The following APBA2 variants were observed in gnomAD, a reference collection of about 807,000 sequenced individuals.
The protein encoded by APBA2 is amyloid-beta A4 precursor protein-binding family A member 2.
APBA2 carries 30 observed loss-of-function variants against 75.0 expected under a neutral mutation model. The ratio of observed to expected loss-of-function variants is 0.40; its 90% CI spans 0.30 to 0.54. The LOEUF is 0.54. Among genes scored for constraint, APBA2 ranks in the 20% least tolerant of loss-of-function variants. The pLI is 0.49. For missense variants in APBA2, 801 were observed against 1,016.1 expected (o/e 0.79, Z 2.88); for synonymous variants, 444 against 409.6 (o/e 1.08, Z -1.01).
rs553752797 is a variant in APBA2 at position 28,956,951 on chromosome 15, C to T, written c.-95+35202C>T. ...AATACTTCCTTGTATGAATAGACCA[C>T]ATTTTGTTGATCGTTCATCTGGTGA... On this transcript the variant is annotated intron_variant, in intron 2 of 14. Coordinates refer to ENST00000683413, the MANE Select transcript of APBA2 (RefSeq NM_001353788.2). Among the ~76,000 whole-genome samples, 7 of 152,348 alleles carry T rather than the reference C, an allele frequency of 4.6e-5. 1 individual carries two copies. In the South Asian group the frequency reaches 1.4e-3, roughly 32 times the overall value.
chr15:29,054,748 C>G lies in APBA2; in HGVS notation c.864C>G (p.Pro288=). ...GGCCCAAGTCGCTGAACCTCCTTCC[C>G]GAGGCCAAGCACCCCGGAGACCCCC... ...EARPKSLNLL[P]EAKHPGDPQR... Residue 288 remains proline (P), a synonymous_variant, in exon 4 of 15, where the codon CCC becomes CCG. Coordinates refer to ENST00000683413, the MANE Select transcript of APBA2 (RefSeq NM_001353788.2). This position sits in a 1 kb window ranked among gnomAD's most constrained non-coding sequence, Gnocchi z 6.1. 1.9e-6 allele frequency: 3 copies of G among 1,610,184 alleles called. No homozygotes were observed. The highest frequency in any genetic ancestry group is 2.5e-6 in the Non-Finnish European group (3 of 1,179,974).
rs1424329556 is a variant in APBA2 at position 28,991,535 on chromosome 15, C to T, written c.-94-4218C>T. Among the ~76,000 whole-genome samples the T allele has an allele frequency of 6.6e-6, 1 of 152,212 alleles. No homozygotes were observed. Among genetic ancestry groups the T allele is most frequent in the Non-Finnish European group, 1.5e-5 (1 of 68,028 alleles). On this transcript the variant is annotated intron_variant, in intron 2 of 14. Coordinates refer to ENST00000683413, the MANE Select transcript of APBA2 (RefSeq NM_001353788.2). The surrounding 1 kb of genome is among the most constrained non-coding windows in gnomAD (Gnocchi z 4.7). ...TGAGTTCACTGGCAGCCCAGCCAGC[C>T]CACGAAGGCCATGTGAGTGTGAACC...
rs539565459 is a variant in APBA2 at position 28,928,092 on chromosome 15, C to A, written c.-95+6343C>A. ...CTGGGAGGCGGAACTTGCAGTGAGC[C>A]GAGATCACTCCACTGTACTCCAGCC... On this transcript the variant is annotated intron_variant, in intron 2 of 14. Transcript: ENST00000683413. Among the ~76,000 whole-genome samples, 3 of 146,948 alleles carry A rather than the reference C, an allele frequency of 2.0e-5. No homozygotes were observed. In the South Asian group the frequency reaches 6.5e-4, roughly 32 times the overall value.
intron 1 of APBA2, among the ~76,000 whole-genome samples, chr15:28,891,883 T>A (rs994710443): frequency 2.0e-5 from 3 of 152,224 alleles, no homozygotes; most frequent in Non-Finnish European, 2.9e-5. Flanking sequence ...GAAAAATTCC[T>A]ATTGCTTAGT....
chr15:29,011,382 C>T (rs73370677), intron 3 of APBA2, among the ~76,000 whole-genome samples: 11,815 of 152,110 alleles, frequency 0.078, 642 homozygotes, highest in East Asian at 0.28. Context: ...AAAATTTCTC[C>T]TTTGAAATGT....
At chr15:29,019,812 G>A (rs1220199108) in intron 3 of APBA2, among the ~76,000 whole-genome samples, 1 of 152,228 alleles carries the variant, frequency 6.6e-6, no homozygotes, top group African/African-American at 2.4e-5. Context: ...AGTGATGCTG[G>A]TGGGTTAATG....
intron 2 of APBA2, among the ~76,000 whole-genome samples, chr15:28,929,433 A>G (rs2034446952): frequency 6.6e-6 from 1 of 152,196 alleles, no homozygotes; most frequent in Non-Finnish European, 1.5e-5. Flanking sequence ...AGGCTCCCAG[A>G]TGTCCTCAAC....
chr15:28,924,871 C>G (rs974456696), intron 2 of APBA2, among the ~76,000 whole-genome samples: 3 of 152,128 alleles, frequency 2.0e-5, no homozygotes, highest in Non-Finnish European at 4.4e-5. Flanking sequence ...TTTACATTCC[C>G]GCCAGCACTG....
intron 2 of APBA2, among the ~76,000 whole-genome samples, chr15:28,942,940 G>A (rs77842683): frequency 1.3e-5 from 2 of 152,128 alleles, no homozygotes; most frequent in Non-Finnish European, 2.9e-5. Flanking sequence ...CGGTTTCCTC[G>A]TTCTCAGGGG....
chr15:29,017,145 T>G (rs911110136), intron 3 of APBA2, among the ~76,000 whole-genome samples: 3 of 151,998 alleles, frequency 2.0e-5, no homozygotes, highest in African/African-American at 7.2e-5. Context: ...CTTGAGGTCC[T>G]TGCTCCCTGG....
intron 3 of APBA2, among the ~76,000 whole-genome samples, chr15:29,018,283 T>C (rs1302048337): frequency 2.0e-5 from 3 of 152,218 alleles, no homozygotes; most frequent in Non-Finnish European, 2.9e-5. Flanking sequence ...GTGCCGGGCC[T>C]CTGGAGAGTT....
intron 3 of APBA2, among the ~76,000 whole-genome samples, chr15:29,016,074 T>C (rs577087470): frequency 6.6e-6 from 1 of 152,160 alleles, no homozygotes; most frequent in Non-Finnish European, 1.5e-5. Flanking sequence ...CTGGCCAACA[T>C]GGTGAAACCC....
At chr15:29,020,642 C>A (rs2039906066) in intron 3 of APBA2, among the ~76,000 whole-genome samples, 1 of 122,336 alleles carries the variant, frequency 8.2e-6, no homozygotes, top group Non-Finnish European at 1.5e-5. Context: ...CCGGTCTCTA[C>A]TAAAAATACA....
At chr15:29,026,846 A>C (rs1264827135) in intron 3 of APBA2, among the ~76,000 whole-genome samples, 1 of 152,162 alleles carries the variant, frequency 6.6e-6, no homozygotes, top group Non-Finnish European at 1.5e-5. Context: ...GTGTGAAGCC[A>C]GGAGGCGGAG....
intron 2 of APBA2, among the ~76,000 whole-genome samples, chr15:28,941,306 G>T (rs1366203900): frequency 6.6e-6 from 1 of 152,102 alleles, no homozygotes; most frequent in Non-Finnish European, 1.5e-5. Flanking sequence ...AAGGGAGGAA[G>T]AGCCACACTG....
At position 29,104,334 on chromosome 15, in the gene APBA2, G is replaced by T. The variant is rs563179127; in HGVS notation, c.1525-1045G>T. Among the ~76,000 whole-genome samples, 34 of 152,336 alleles carry T rather than the reference G, an allele frequency of 2.2e-4. 2 individuals carry two copies. The South Asian group carries it at 7.0e-3, about 32-fold the overall frequency. On this transcript the variant is annotated intron_variant, in intron 10 of 14. Transcript: ENST00000683413. ...AGCCTGGCGGGAGGCCCCGCTGTGG[G>T]CTGAGGCGTCACCAAGGCCGCCAAG...
At chr15:28,909,483 T>C (rs901420082) in intron 1 of APBA2, among the ~76,000 whole-genome samples, 11 of 152,244 alleles carry the variant, frequency 7.2e-5, no homozygotes, top group African/African-American at 2.7e-4. Context: ...ATTGTATGGA[T>C]AGACCATGTT....
intron 1 of APBA2, among the ~76,000 whole-genome samples, chr15:28,909,318 A>G (rs1026105431): frequency 1.2e-4 from 18 of 152,116 alleles, no homozygotes; most frequent in African/African-American, 4.3e-4. Context: ...GTCTCTGTGA[A>G]TTTGACGATT....
chr15:29,004,765 C>T (rs905851655), intron 3 of APBA2, among the ~76,000 whole-genome samples: 9 of 152,134 alleles, frequency 5.9e-5, no homozygotes, highest in African/African-American at 1.2e-4. Flanking sequence ...CCGTACCCTC[C>T]GCCTCCTGGG....
Sources: gnomAD v4.1 joint callset for allele counts (sites outside exome capture counted in the v4.1 genomes callset) on GRCh38, gnomAD v4.1.1 for gene constraint, Gnocchi (gnomAD v3.1) non-coding constraint, MANE v1.5 for transcripts, NCBI Gene and HGNC (gene_info 2026-07-23, HGNC 2026-07-21) for gene names.